PRKCA: variants seen among roughly 807,000 people sequenced by gnomAD.
The protein encoded by PRKCA is protein kinase C alpha type.
A neutral mutation model predicts 87.0 loss-of-function variants in PRKCA; 27 were observed. The observed-to-expected ratio is 0.31, with a 90% CI of 0.23 to 0.43. The LOEUF is 0.43. PRKCA is among the 20% of genes least tolerant of loss of function. PRKCA has a pLI of 1.00. For missense variants in PRKCA, 518 were observed against 852.3 expected, an observed-to-expected ratio of 0.61 and a Z score of 4.88; for synonymous variants, 329 against 311.1, an observed-to-expected ratio of 1.06 and a Z score of -0.61.
chr17:66,567,662 T>C (rs1968943102), intron 3 of PRKCA, among the ~76,000 whole-genome samples: 1 of 152,186 alleles, frequency 6.6e-6, no homozygotes, highest in South Asian at 2.1e-4. Flanking sequence ...TACCTCAAGA[T>C]TTCATGGAAA....
At chr17:66,532,509 G>A (rs1048681671) in intron 3 of PRKCA, among the ~76,000 whole-genome samples, 3 of 151,846 alleles carry the variant, frequency 2.0e-5, no homozygotes, top group Admixed American at 2.0e-4. Flanking sequence ...GGGATTACAA[G>A]CATGCACCAC....
chr17:66,673,183 A>G (rs1478878295), intron 5 of PRKCA, among the ~76,000 whole-genome samples: 1 of 152,238 alleles, frequency 6.6e-6, no homozygotes, highest in African/African-American at 2.4e-5. Context: ...TAAAAGGGAA[A>G]GTAATGAAAT....
chr17:66,714,103 A>C (rs1178974284), intron 8 of PRKCA, among the ~76,000 whole-genome samples: 1 of 152,130 alleles, frequency 6.6e-6, no homozygotes, highest in Non-Finnish European at 1.5e-5. Flanking sequence ...CAGCAGTTGC[A>C]GCTGGGAGAT....
chr17:66,596,037 C>G (rs1227418930), intron 3 of PRKCA, among the ~76,000 whole-genome samples: 1 of 152,172 alleles, frequency 6.6e-6, no homozygotes, highest in Non-Finnish European at 1.5e-5. Context: ...CTCAGGCCCT[C>G]CTTTCATTCC....
chr17:66,507,804 A>G (rs1369054140), intron 3 of PRKCA, among the ~76,000 whole-genome samples: 1 of 152,194 alleles, frequency 6.6e-6, no homozygotes, highest in Non-Finnish European at 1.5e-5. Context: ...CATGTTTTTT[A>G]GAAGCTGAAC....
At chr17:66,420,002 CTTTTTTTTT>C (rs558522698) in intron 2 of PRKCA, among the ~76,000 whole-genome samples, 2 of 113,692 alleles carry the variant, frequency 1.8e-5, no homozygotes, top group South Asian at 3.0e-4. Context: ...GGGTTGTGTT[CTTTTTTTTT>C]TTTTTTTTTT....
chr17:66,308,202 C>T (rs1227782210), intron 2 of PRKCA, among the ~76,000 whole-genome samples: 1 of 152,188 alleles, frequency 6.6e-6, no homozygotes, highest in East Asian at 1.9e-4. Context: ...GTGCATCTTA[C>T]ATTTTAACGG....
intron 8 of PRKCA, among the ~76,000 whole-genome samples, chr17:66,723,387 G>A (rs77531821): frequency 6.6e-6 from 1 of 152,178 alleles, no homozygotes; most frequent in East Asian, 1.9e-4. Context: ...CCAACACTTT[G>A]GGAGGCTGAG....
At chr17:66,442,945 G>A (rs1162797472) in intron 2 of PRKCA, among the ~76,000 whole-genome samples, 1 of 152,184 alleles carries the variant, frequency 6.6e-6, no homozygotes, top group Non-Finnish European at 1.5e-5. Flanking sequence ...AACCATAAAC[G>A]CTGCCATTGT....
At chr17:66,377,563 A>G (rs995047656) in intron 2 of PRKCA, among the ~76,000 whole-genome samples, 2 of 147,542 alleles carry the variant, frequency 1.4e-5, no homozygotes, top group Non-Finnish European at 3.0e-5. Context: ...TGCCTATATT[A>G]CATATATAAT....
At chr17:66,363,348 C>T (rs540034306) in intron 2 of PRKCA, among the ~76,000 whole-genome samples, 35 of 152,248 alleles carry the variant, frequency 2.3e-4, no homozygotes, top group African/African-American at 7.7e-4. Flanking sequence ...TGGAAGGAAT[C>T]TTAGAGGAAA....
chr17:66,324,447 C>CA (rs61047065), intron 2 of PRKCA, among the ~76,000 whole-genome samples: 31,629 of 90,654 alleles, frequency 0.35, 5,094 homozygotes, highest in Non-Finnish European at 0.44. Flanking sequence ...ACTAAAAATA[C>CA]AAAAAAAAAA....
At chr17:66,565,249 C>CTGGAGCA (rs1328222076) in intron 3 of PRKCA, among the ~76,000 whole-genome samples, 1 of 152,186 alleles carries the variant, frequency 6.6e-6, no homozygotes, top group Non-Finnish European at 1.5e-5. Flanking sequence ...GCATCCCTTC[C>CTGGAGCA]TGGAGCACTG....
intron 5 of PRKCA, among the ~76,000 whole-genome samples, chr17:66,673,331 T>C (rs184625329): frequency 3.5e-4 from 53 of 152,320 alleles, no homozygotes; most frequent in Middle Eastern, 3.4e-3. Flanking sequence ...GGTACGTGAA[T>C]GGGACAGAAA....
At chr17:66,787,816 G>A (rs1251024571) in intron 15 of PRKCA, among the ~76,000 whole-genome samples, 2 of 152,086 alleles carry the variant, frequency 1.3e-5, no homozygotes, top group Non-Finnish European at 2.9e-5. Context: ...TCCTGGCCTG[G>A]CTGCTTTCAC....
At chr17:66,546,259 A>T (rs1434644251) in intron 3 of PRKCA, among the ~76,000 whole-genome samples, 1 of 151,922 alleles carries the variant, frequency 6.6e-6, no homozygotes, top group Non-Finnish European at 1.5e-5. Flanking sequence ...TTCTGTTGGG[A>T]TGAGTATTTT....
chr17:66,566,895 T>C (rs1968921822), intron 3 of PRKCA, among the ~76,000 whole-genome samples: 1 of 152,134 alleles, frequency 6.6e-6, no homozygotes, highest in South Asian at 2.1e-4. Flanking sequence ...TCCCAGGGAC[T>C]TTGAGAGGAG....
intron 2 of PRKCA, among the ~76,000 whole-genome samples, chr17:66,356,134 G>A (rs1006651212): frequency 1.6e-4 from 25 of 152,016 alleles, no homozygotes; most frequent in Admixed American, 6.5e-4. Context: ...CCTGATCTCA[G>A]GTGACCCACC....
intron 13 of PRKCA, among the ~76,000 whole-genome samples, chr17:66,745,973 T>C (rs973277598): frequency 6.6e-6 from 1 of 152,120 alleles, no homozygotes; most frequent in Non-Finnish European, 1.5e-5. Context: ...CCACGAGGGA[T>C]ACAAAAAGAC....
Sources: gnomAD v4.1 joint callset for allele counts (sites outside exome capture counted in the v4.1 genomes callset) on GRCh38, gnomAD v4.1.1 for gene constraint, MANE v1.5 for transcripts, NCBI Gene and HGNC (gene_info 2026-07-23, HGNC 2026-07-21) for gene names.